Variants in PDE7B observed in about 807,000 individuals in gnomAD.
PDE7B encodes the protein phosphodiesterase 7B, also known as 3',5'-cyclic-AMP phosphodiesterase 7B.
Under a neutral mutation model 56.2 loss-of-function variants are expected in PDE7B, and 29 were observed. That is an observed-to-expected ratio of 0.52 (90% CI 0.38 to 0.70). PDE7B has a LOEUF of 0.70. Among genes scored for constraint, PDE7B ranks in the 30% least tolerant of loss-of-function variants. The probability of loss-of-function intolerance (pLI) is 0.00; values close to 1 mark genes in which losing one functional copy is unlikely to be tolerated. For missense variants in PDE7B, 490 were observed against 565.0 expected, an observed-to-expected ratio of 0.87 and a Z score of 1.35; for synonymous variants, 197 against 196.9, an observed-to-expected ratio of 1.00 and a Z score of 0.00.
chr6:136,099,628 T>A (rs1035899769), intron 2 of PDE7B, among the ~76,000 whole-genome samples: 4 of 152,222 alleles, frequency 2.6e-5, no homozygotes, highest in African/African-American at 9.6e-5. Flanking sequence ...GGGTTGTTTT[T>A]TTTCTTGTAA....
intron 3 of PDE7B, among the ~76,000 whole-genome samples, chr6:136,131,052 T>G (rs1348870331): frequency 1.3e-5 from 2 of 152,158 alleles, no homozygotes; most frequent in African/African-American, 4.8e-5. Context: ...CCAAACCATA[T>G]CCATTCTGTA....
At chr6:136,053,082 A>G (rs555233916) in intron 2 of PDE7B, among the ~76,000 whole-genome samples, 2 of 152,270 alleles carry the variant, frequency 1.3e-5, no homozygotes, top group East Asian at 3.9e-4. Flanking sequence ...GTTATACTTC[A>G]AGTTTTAGGG....
chr6:136,064,727 TG>T (rs1776904353), intron 2 of PDE7B: 1 of 152,324 alleles, frequency 6.6e-6, no homozygotes, highest in African/African-American at 2.4e-5. Context: ...TGGTTTTCGT[TG>T]TCTTTAGCTT....
Position 136,191,630 on chromosome 6 carries a change from C to G in PDE7B, c.1143C>G (p.Ile381Met), listed in dbSNP as rs556121260. 1.2e-6 allele frequency: 2 copies of G among 1,614,006 alleles called. No homozygotes were observed. Among genetic ancestry groups the G allele is most frequent in the Non-Finnish European group, 8.5e-7 (1 of 1,179,882 alleles). ...CTGTTCTAGGTTTCATGAGCTACAT[C>G]GTGGAGCCGCTCTTCCGGGAATGGG... ...PSIQIGFMSY[I>M]VEPLFREWAH... is the part of the protein sequence containing the mutation. The change falls in exon 13 of 13, where the codon ATC (isoleucine) becomes ATG (methionine). Residue 381 changes from isoleucine (I) to methionine (M), a missense_variant. Transcript: ENST00000308191.
chr6:135,893,071 CT>C (rs1466583493), intron 1 of PDE7B, among the ~76,000 whole-genome samples: 1 of 151,910 alleles, frequency 6.6e-6, no homozygotes, highest in Non-Finnish European at 1.5e-5. Context: ...ATAGGAGCCT[CT>C]TTTTTTTAAT....
intron 1 of PDE7B, among the ~76,000 whole-genome samples, chr6:135,853,563 T>A (rs1272866470): frequency 6.6e-6 from 1 of 152,188 alleles, no homozygotes; most frequent in Non-Finnish European, 1.5e-5. Flanking sequence ...TTGTCTCAAG[T>A]AGAAGCCCAC....
intron 1 of PDE7B, among the ~76,000 whole-genome samples, chr6:135,904,816 T>G (rs1326737207): frequency 2.0e-5 from 3 of 152,192 alleles, no homozygotes; most frequent in African/African-American, 7.2e-5. Flanking sequence ...CCTGCATGAG[T>G]AACACAAGAT....
At chr6:136,166,009 C>T (rs1398640290) in intron 8 of PDE7B, among the ~76,000 whole-genome samples, 1 of 152,144 alleles carries the variant, frequency 6.6e-6, no homozygotes, top group Non-Finnish European at 1.5e-5. Context: ...TGATCCTTCC[C>T]TTTATGTAAC....
intron 2 of PDE7B, among the ~76,000 whole-genome samples, chr6:136,001,757 C>T (rs1031551477): frequency 4.8e-4 from 73 of 152,200 alleles, no homozygotes; most frequent in African/African-American, 1.6e-3. Context: ...GAGAATGGAA[C>T]CAAGTTGGAA....
chr6:136,119,076 G>T (rs925123195), intron 3 of PDE7B, among the ~76,000 whole-genome samples: 1 of 152,148 alleles, frequency 6.6e-6, no homozygotes, highest in African/African-American at 2.4e-5. Context: ...AAATGGAATC[G>T]CTATTGTGAC....
At chr6:136,182,332 A>T (rs1169204024) in intron 11 of PDE7B, among the ~76,000 whole-genome samples, 1 of 152,224 alleles carries the variant, frequency 6.6e-6, no homozygotes, top group African/African-American at 2.4e-5. Flanking sequence ...AGTGGTTAGA[A>T]ATCAAAATCT....
At chr6:136,123,986 C>T (rs1777980197) in intron 3 of PDE7B, among the ~76,000 whole-genome samples, 1 of 152,124 alleles carries the variant, frequency 6.6e-6, no homozygotes, top group African/African-American at 2.4e-5. Flanking sequence ...GACATGTCAC[C>T]ATAGTCTTAT....
intron 2 of PDE7B, among the ~76,000 whole-genome samples, chr6:136,039,561 CTTT>C (rs200469289): frequency 6.6e-6 from 1 of 151,920 alleles, no homozygotes; most frequent in Non-Finnish European, 1.5e-5. Flanking sequence ...ATGCCAGGAA[CTTT>C]TTTTAAGTTA....
intron 2 of PDE7B, among the ~76,000 whole-genome samples, chr6:136,055,219 G>T (rs564795368): frequency 6.6e-6 from 1 of 152,344 alleles, no homozygotes; most frequent in South Asian, 2.1e-4. Flanking sequence ...TATAATGGTA[G>T]ATATGCCCAT....
chr6:135,955,291 G>A (rs1028330443), intron 2 of PDE7B, among the ~76,000 whole-genome samples: 3 of 151,910 alleles, frequency 2.0e-5, no homozygotes, highest in Non-Finnish European at 2.9e-5. Context: ...AAGGGGAAGG[G>A]GAAGGGTGGA....
chr6:135,935,186 T>TTATATATATA (rs1368098258), intron 1 of PDE7B, among the ~76,000 whole-genome samples: 4 of 38,448 alleles, frequency 1.0e-4, no homozygotes, highest in African/African-American at 5.9e-4. Flanking sequence ...ATATATATAT[T>TTATATATATA]TATTTATATA....
chr6:136,051,597 A>G (rs757450975), intron 2 of PDE7B, among the ~76,000 whole-genome samples: 1 of 152,220 alleles, frequency 6.6e-6, no homozygotes, highest in Non-Finnish European at 1.5e-5. Flanking sequence ...AGCTTGCTGG[A>G]TGCATTGTAA....
chr6:135,938,817 G>C (rs1296725602), intron 1 of PDE7B, among the ~76,000 whole-genome samples: 1 of 152,160 alleles, frequency 6.6e-6, no homozygotes, highest in East Asian at 1.9e-4. Context: ...GCCCTCTACT[G>C]TCTAGGGATA....
Position 136,104,063 on chromosome 6 carries a change from G to T in PDE7B, c.83-4668G>T, listed in dbSNP as rs796726066. 1.4e-4 allele frequency among the ~76,000 whole-genome samples: 21 copies of T among 152,322 alleles called. 1 individual carries two copies. Among genetic ancestry groups the T allele is most frequent in the African/African-American group, 4.8e-4 (20 of 41,566 alleles). On this transcript the variant is annotated intron_variant, in intron 2 of 12. Transcript: ENST00000308191. ...TTCCGGAGCCCTGTCCTCAGGGAGG[G>T]TGAGGGGCTGTCGTCAGGTCAGGTC...
Sources: gnomAD v4.1 joint callset for allele counts (sites outside exome capture counted in the v4.1 genomes callset) on GRCh38, gnomAD v4.1.1 for gene constraint, MANE v1.5 for transcripts, NCBI Gene and HGNC (gene_info 2026-07-23, HGNC 2026-07-21) for gene names.